PEX5L: variants seen among roughly 807,000 people sequenced by gnomAD.
The protein encoded by PEX5L is PEX5-related protein.
A neutral mutation model predicts 84.0 loss-of-function variants in PEX5L; 30 were observed. The observed-to-expected ratio is 0.36, with a 90% confidence interval of 0.27 to 0.48. The LOEUF (loss-of-function observed/expected upper bound fraction) is 0.48. PEX5L is among the 20% of genes least tolerant of loss of function. The pLI, the probability that PEX5L is intolerant of heterozygous loss-of-function variation, is 0.99. For missense variants in PEX5L, 533 were observed against 754.6 expected (o/e 0.71, Z 3.44); for synonymous variants, 270 against 283.1 (o/e 0.95, Z 0.46).
chr3:179,833,599 T>C (rs1733905675), intron 8 of PEX5L, among the ~76,000 whole-genome samples: 1 of 152,206 alleles, frequency 6.6e-6, no homozygotes, highest in Non-Finnish European at 1.5e-5. Flanking sequence ...GTTCATTCTG[T>C]TTAGAAATAG....
chr3:179,875,364 C>G lies in PEX5L; in HGVS notation c.619G>C (p.Glu207Gln). The G allele has an allele frequency of 6.2e-7, 1 of 1,613,978 alleles. No homozygotes were observed. The highest frequency in any genetic ancestry group is 8.5e-7 in the Non-Finnish European group (1 of 1,179,860). ...ATTAAAATACCTTACCATAAGAGCT[C>G]TTTTGATCCAGTTCTAGATGAGGAT... ...KSSSSRTGSK[E>Q]LLWSSEHRSQ... The change falls in exon 6 of 15, where the codon GAG (glutamate) becomes CAG (glutamine). Residue 207 changes from glutamate to glutamine, a missense_variant. Glu to Gln is a conservative substitution (Grantham distance 29, BLOSUM62 2). This residue lies in a region of PEX5L where 259 missense variants were observed against 301.7 expected (regional missense o/e 0.86). Coordinates refer to ENST00000467460, the MANE Select transcript of PEX5L (RefSeq NM_016559.3).
rs116283278 is a variant in PEX5L, at chr3:179,810,840, T to C, written c.1154+961A>G. Among the ~76,000 whole-genome samples, 897 of 152,230 alleles carry C rather than the reference T, an allele frequency of 5.9e-3. 7 individuals are homozygous for C. The highest frequency in any genetic ancestry group is 0.02 in the African/African-American group (834 of 41,524). ...TCTCTGGGCTGTGCTTGGGCATTAT[T>C]TTTCCCCTCCAAACGATTCTAATGT... is the stretch of plus-strand genomic sequence containing the variant. On this transcript the variant is annotated intron_variant, in intron 11 of 14. Transcript: ENST00000467460.
chr3:179,906,629 CA>C (rs1293301974), intron 2 of PEX5L, among the ~76,000 whole-genome samples: 2 of 152,100 alleles, frequency 1.3e-5, no homozygotes, highest in Non-Finnish European at 2.9e-5. Context: ...AAATATGTAA[CA>C]AAAAATGTAA....
intron 1 of PEX5L, among the ~76,000 whole-genome samples, chr3:179,980,070 C>G (rs1440887573): frequency 2.0e-5 from 3 of 152,264 alleles, no homozygotes; most frequent in Admixed American, 2.0e-4. Context: ...ATTCTGTATC[C>G]TCACTTAATT....
intron 1 of PEX5L, among the ~76,000 whole-genome samples, chr3:180,010,020 T>C (rs1195808857): frequency 6.6e-6 from 1 of 151,986 alleles, no homozygotes; most frequent in Non-Finnish European, 1.5e-5. Context: ...CTCGACACAC[T>C]GCAAGCTCCG....
intron 4 of PEX5L, among the ~76,000 whole-genome samples, chr3:179,883,041 G>C (rs1257649606): frequency 6.6e-6 from 1 of 152,168 alleles, no homozygotes; most frequent in Admixed American, 6.5e-5. Flanking sequence ...GAGCCAGCCT[G>C]GGTGACAGAG....
At chr3:179,948,307 A>G (rs1778148538) in intron 2 of PEX5L, among the ~76,000 whole-genome samples, 2 of 152,228 alleles carry the variant, frequency 1.3e-5, no homozygotes, top group South Asian at 2.1e-4. Context: ...CAAAATCCTG[A>G]GCAATTCTCA....
chr3:179,935,381 C>T (rs1479540803), intron 2 of PEX5L, among the ~76,000 whole-genome samples: 1 of 152,084 alleles, frequency 6.6e-6, no homozygotes, highest in African/African-American at 2.4e-5. Flanking sequence ...CTTTTCAAAA[C>T]TTGTAAGTAT....
intron 3 of PEX5L, among the ~76,000 whole-genome samples, chr3:179,892,403 C>T (rs145331465): frequency 6.6e-6 from 1 of 152,248 alleles, no homozygotes; most frequent in Non-Finnish European, 1.5e-5. Context: ...CAGTGTCATA[C>T]TCTTAGTTTT....
In PEX5L at chr3:179,967,214, T is replaced by C. The variant is rs148842483; in HGVS notation, c.93+4380A>G. On this transcript the variant is annotated intron_variant, in intron 2 of 14. Coordinates refer to ENST00000467460, the MANE Select transcript of PEX5L (RefSeq NM_016559.3). ...AGTAATGAGCAATGGTACAGAGCTATGTGAGGTGACAGAAAGAGCATGGGA... is the reference window on the plus strand; with the variant it reads ...AGTAATGAGCAATGGTACAGAGCTACGTGAGGTGACAGAAAGAGCATGGGA... Among the ~76,000 whole-genome samples, 48 of 152,270 alleles carry C rather than the reference T, an allele frequency of 3.2e-4. 1 individual carries two copies. The East Asian group carries it at 8.3e-3, about 26-fold the overall frequency.
At chr3:179,845,108 G>A (rs1351617991) in intron 8 of PEX5L, among the ~76,000 whole-genome samples, 4 of 152,172 alleles carry the variant, frequency 2.6e-5, no homozygotes, top group Non-Finnish European at 4.4e-5. Flanking sequence ...CCACTTCATC[G>A]ATGTGAAGGA....
chr3:179,925,950 A>G (rs903511788), intron 2 of PEX5L, among the ~76,000 whole-genome samples: 4 of 152,100 alleles, frequency 2.6e-5, no homozygotes, highest in African/African-American at 9.7e-5. Flanking sequence ...TCTGTGTGCT[A>G]TTTACTCCAC....
chr3:179,989,831 A>C (rs565641308), intron 1 of PEX5L, among the ~76,000 whole-genome samples: 1 of 152,232 alleles, frequency 6.6e-6, no homozygotes, highest in African/African-American at 2.4e-5. Flanking sequence ...TATCAATTCA[A>C]ATGATAAAAG....
chr3:179,813,867 G>A (rs1724960051), intron 10 of PEX5L, among the ~76,000 whole-genome samples: 1 of 151,244 alleles, frequency 6.6e-6, no homozygotes, highest in Non-Finnish European at 1.5e-5. Context: ...TAGTAGAGGC[G>A]GGGTTTCACC....
intron 2 of PEX5L, among the ~76,000 whole-genome samples, chr3:179,944,212 A>T (rs1363515372): frequency 6.6e-6 from 1 of 152,226 alleles, no homozygotes; most frequent in African/African-American, 2.4e-5. Flanking sequence ...CTGTTGGAAG[A>T]GCAACTATTA....
At chr3:179,847,260 CTG>C (rs927150023) in intron 8 of PEX5L, among the ~76,000 whole-genome samples, 5 of 151,638 alleles carry the variant, frequency 3.3e-5, no homozygotes, top group African/African-American at 1.2e-4. Flanking sequence ...ATATAGATAA[CTG>C]TATATTGATT....
rs568586727 is a variant in PEX5L, at chr3:179,797,605, A to AATATATATATATATATATAT, written c.*4203_*4222dup. The AATATATATATATATATATAT allele has an allele frequency of 3.4e-5, 3 of 89,166 alleles. No homozygotes were observed. Among genetic ancestry groups the AATATATATATATATATATAT allele is most frequent in the African/African-American group, 1.4e-4 (3 of 22,192 alleles). 5.5% of individuals were successfully genotyped at this position (89,166 alleles called of 1,614,324 possible). On this transcript the variant is annotated 3_prime_UTR_variant, in exon 15 of 15. Transcript: ENST00000467460. ...AACACTCTTTAAAAAAAAAAAAAAAAATATATATATATATATATATATATA... is the reference window on the plus strand; with the variant it reads ...AACACTCTTTAAAAAAAAAAAAAAAAATATATATATATATATATATATATATATATATATATATATATATA...
Position 179,801,867 on chromosome 3 carries a change from G to T in PEX5L, c.1842C>A (p.Asp614Glu). The T allele has an allele frequency of 6.2e-7, 1 of 1,613,890 alleles. No homozygotes were observed. The highest frequency in any genetic ancestry group is 8.5e-7 in the Non-Finnish European group (1 of 1,179,830). The part of the protein sequence containing the change: ...PELFQAANLG[D>E]LDVLLRAFNL... ...TGAAAGCTCTTAAGAGGACATCCAG[G>T]TCACCAAGATTAGCCGCCTGGAAGA... is the stretch of plus-strand genomic sequence containing the variant. The change falls in exon 15 of 15, where the codon GAC (aspartate) becomes GAA (glutamate). Residue 614 changes from aspartate to glutamate, a missense_variant. Around this residue, in one of 8 missense-constraint regions of PEX5L, gnomAD observed 105 missense variants for 204.6 expected, o/e 0.51. Transcript: ENST00000467460.
chr3:179,868,621 T>C (rs1749204123), intron 7 of PEX5L, among the ~76,000 whole-genome samples: 1 of 152,150 alleles, frequency 6.6e-6, no homozygotes, highest in African/African-American at 2.4e-5. Context: ...CAACCAGCAC[T>C]TCCTTTGCCC....
Sources: allele counts gnomAD v4.1 joint callset (sites outside exome capture counted in the v4.1 genomes callset), GRCh38; gene constraint gnomAD v4.1.1; regional missense constraint gnomAD v4.1.1; transcripts MANE v1.5; gene names NCBI Gene and HGNC (gene_info 2026-07-23, HGNC 2026-07-21).